CTNNA3: variants seen among roughly 807,000 people sequenced by gnomAD.
CTNNA3 encodes the protein catenin alpha 3, also known as catenin alpha-3.
A neutral mutation model predicts 95.7 loss-of-function variants in CTNNA3; 76 were observed. That is an observed-to-expected ratio of 0.79 (90% CI 0.66 to 0.96). CTNNA3 has a LOEUF of 0.96. Ranked by LOEUF, CTNNA3 falls within the 40% of genes least tolerant of loss-of-function variation. The probability of loss-of-function intolerance (pLI) is 0.00; values close to 1 mark genes in which losing one functional copy is unlikely to be tolerated. For synonymous variants in CTNNA3, 431 were observed against 374.4 expected, an observed-to-expected ratio of 1.15 and a Z score of -1.74; for missense variants, 1,191 against 1,089.8, an observed-to-expected ratio of 1.09 and a Z score of -1.31.
intron 9 of CTNNA3, among the ~76,000 whole-genome samples, chr10:66,753,156 T>A (rs1167684470): frequency 3.3e-5 from 5 of 152,152 alleles, no homozygotes; most frequent in Non-Finnish European, 7.4e-5. Flanking sequence ...GATCTACCTA[T>A]CTTGCAGCTG....
At chr10:66,813,845 AGTGTGTGT>A (rs66464661) in intron 7 of CTNNA3, among the ~76,000 whole-genome samples, 32 of 149,722 alleles carry the variant, frequency 2.1e-4, no homozygotes, top group East Asian at 5.9e-4. Flanking sequence ...TGTGTGTGTG[AGTGTGTGT>A]GTGTGTGTGT....
At chr10:67,503,321 A>T (rs1839291309) in intron 5 of CTNNA3, among the ~76,000 whole-genome samples, 1 of 152,124 alleles carries the variant, frequency 6.6e-6, no homozygotes, top group South Asian at 2.1e-4. Flanking sequence ...AGTCCCAATG[A>T]GATGAGCCAG....
At chr10:67,382,633 A>G (rs1020380935) in intron 5 of CTNNA3, among the ~76,000 whole-genome samples, 4 of 152,140 alleles carry the variant, frequency 2.6e-5, no homozygotes, top group Non-Finnish European at 1.5e-5. Flanking sequence ...GTATGTGTAT[A>G]TGCCTCCCTG....
intron 11 of CTNNA3, among the ~76,000 whole-genome samples, chr10:66,460,624 C>T (rs2093523097): frequency 6.6e-6 from 1 of 152,016 alleles, no homozygotes; most frequent in East Asian, 1.9e-4. Flanking sequence ...GATGACTTTT[C>T]TCTTCCCATG....
chr10:66,155,341 T>C (rs1564707582), intron 13 of CTNNA3, among the ~76,000 whole-genome samples: 1 of 151,836 alleles, frequency 6.6e-6, no homozygotes, highest in Non-Finnish European at 1.5e-5. Flanking sequence ...ATTATGGAAT[T>C]TCTGCTGTCC....
At chr10:67,097,348 T>C (rs180679034) in intron 7 of CTNNA3, among the ~76,000 whole-genome samples, 2 of 151,894 alleles carry the variant, frequency 1.3e-5, no homozygotes, top group East Asian at 3.9e-4. Context: ...TGTAGGCTAC[T>C]ACTTATCCAA....
intron 17 of CTNNA3, among the ~76,000 whole-genome samples, chr10:65,935,400 C>A (rs2077321036): frequency 6.6e-6 from 1 of 151,826 alleles, no homozygotes; most frequent in African/African-American, 2.4e-5. Context: ...CTGTTTTGTT[C>A]TCTTTTAAAA....
At chr10:67,150,494 T>G (rs1472006436) in intron 7 of CTNNA3, among the ~76,000 whole-genome samples, 1 of 152,200 alleles carries the variant, frequency 6.6e-6, no homozygotes, top group Non-Finnish European at 1.5e-5. Context: ...TAAATGCCCT[T>G]CATTCCACAA....
chr10:66,159,856 C>A (rs1204275085), intron 13 of CTNNA3, among the ~76,000 whole-genome samples: 1 of 151,808 alleles, frequency 6.6e-6, no homozygotes, highest in East Asian at 1.9e-4. Flanking sequence ...AATCTCACTG[C>A]TTGTTGTTGG....
At chr10:67,141,993 T>C (rs925428765) in intron 7 of CTNNA3, among the ~76,000 whole-genome samples, 1 of 152,162 alleles carries the variant, frequency 6.6e-6, no homozygotes, top group Non-Finnish European at 1.5e-5. Flanking sequence ...ATTCAGTGCA[T>C]TACCTACAGC....
intron 1 of CTNNA3, among the ~76,000 whole-genome samples, chr10:67,677,705 G>T (rs952358221): frequency 1.3e-5 from 2 of 152,060 alleles, no homozygotes; most frequent in African/African-American, 2.4e-5. Flanking sequence ...ATTTTGAGTC[G>T]CAGAAATGCA....
intron 5 of CTNNA3, among the ~76,000 whole-genome samples, chr10:67,235,963 A>G (rs1865433350): frequency 6.8e-6 from 1 of 147,698 alleles, no homozygotes; most frequent in Admixed American, 6.7e-5. Context: ...ACAATGAGAT[A>G]TCATCTCACA....
intron 6 of CTNNA3, among the ~76,000 whole-genome samples, chr10:67,200,386 A>G (rs1281722279): frequency 1.3e-5 from 2 of 152,206 alleles, no homozygotes; most frequent in East Asian, 1.9e-4. Context: ...GACTTTTAAA[A>G]TAAAGAAAGG....
intron 9 of CTNNA3, among the ~76,000 whole-genome samples, chr10:66,715,951 TTATC>T (rs1314574317): frequency 2.0e-5 from 3 of 152,008 alleles, no homozygotes; most frequent in African/African-American, 4.8e-5. Context: ...AATATTCAAA[TTATC>T]TATTAAGTCA....
At chr10:66,325,780 CT>C (rs1297094496) in intron 12 of CTNNA3, among the ~76,000 whole-genome samples, 1 of 152,066 alleles carries the variant, frequency 6.6e-6, no homozygotes, top group Non-Finnish European at 1.5e-5. Flanking sequence ...TGAAAATTGT[CT>C]GTTTGAAATA....
At chr10:67,619,604 T>C (rs1451526603) in intron 2 of CTNNA3, among the ~76,000 whole-genome samples, 2 of 152,322 alleles carry the variant, frequency 1.3e-5, no homozygotes, top group East Asian at 1.9e-4. Context: ...GATCACAGTT[T>C]TATGATAAAG....
chr10:66,081,886 G>A (rs1162642638), intron 14 of CTNNA3, among the ~76,000 whole-genome samples: 1 of 152,154 alleles, frequency 6.6e-6, no homozygotes, highest in East Asian at 1.9e-4. Flanking sequence ...GGAGGCTGCG[G>A]TGGGCGGATC....
At chr10:66,460,102 T>C (rs2093518892) in intron 11 of CTNNA3, among the ~76,000 whole-genome samples, 1 of 152,192 alleles carries the variant, frequency 6.6e-6, no homozygotes, top group Non-Finnish European at 1.5e-5. Context: ...GATCTGATTA[T>C]ACGTTCTGTA....
intron 2 of CTNNA3, among the ~76,000 whole-genome samples, chr10:67,615,241 G>A (rs971040902): frequency 4.6e-5 from 7 of 152,156 alleles, no homozygotes; most frequent in East Asian, 1.9e-4. Flanking sequence ...CCATTACTCC[G>A]AACTATTGAG....
Sources: gnomAD v4.1 joint callset for allele counts (sites outside exome capture counted in the v4.1 genomes callset) on GRCh38, gnomAD v4.1.1 for gene constraint, MANE v1.5 for transcripts, NCBI Gene and HGNC (gene_info 2026-07-23, HGNC 2026-07-21) for gene names.